The following PLCXD2 variants were observed in gnomAD, a reference collection of about 807,000 sequenced individuals.
PLCXD2 encodes phosphatidylinositol specific phospholipase C X domain containing 2, also known as PI-PLC X domain-containing protein 2.
A neutral mutation model predicts 28.6 loss-of-function variants in PLCXD2; 21 were observed. The ratio of observed to expected loss-of-function variants is 0.73; its 90% confidence interval spans 0.52 to 1.06. The LOEUF (loss-of-function observed/expected upper bound fraction) is 1.06. Ranked by LOEUF, PLCXD2 falls within the 50% of genes least tolerant of loss-of-function variation. PLCXD2 has a pLI of 0.00. For missense variants in PLCXD2, 369 were observed against 376.7 expected (o/e 0.98, Z 0.17); for synonymous variants, 140 against 150.1 (o/e 0.93, Z 0.49).
intron 1 of PLCXD2, among the ~76,000 whole-genome samples, 199 bp from the exon 2 acceptor site, chr3:111,707,727 G>A (rs1350352482): frequency 6.6e-6 from 1 of 152,078 alleles, no homozygotes; most frequent in Non-Finnish European, 1.5e-5. Context: ...TATTACCCCA[G>A]GCTTAACAAG....
chr3:111,707,002 C>T (rs1485939797), intron 1 of PLCXD2, among the ~76,000 whole-genome samples: 2 of 152,150 alleles, frequency 1.3e-5, no homozygotes, highest in Admixed American at 6.5e-5. Flanking sequence ...ACTTCTTCAG[C>T]ATTGGACAGA....
intron 3 of PLCXD2, chr3:111,725,916 C>T: frequency 2.5e-6 from 1 of 398,478 alleles, no homozygotes; most frequent in Non-Finnish European, 4.4e-6. Context: ...TTATTGCTAA[C>T]CACAGGATGC....
chr3:111,715,790 C>T (rs1271084580), intron 3 of PLCXD2, among the ~76,000 whole-genome samples: 1 of 152,180 alleles, frequency 6.6e-6, no homozygotes, highest in Non-Finnish European at 1.5e-5. Context: ...CTGCCCTTTT[C>T]AGCGTTGGAC....
intron 3 of PLCXD2, 133 bp downstream of exon 3, chr3:111,714,261 T>A: frequency 8.1e-7 from 1 of 1,233,350 alleles, no homozygotes; most frequent in Non-Finnish European, 1.1e-6. Context: ...AAAAACTTTG[T>A]ATTCGAGAAA....
At chr3:111,720,343 C>T (rs1209095223) in intron 3 of PLCXD2, among the ~76,000 whole-genome samples, 7 of 152,100 alleles carry the variant, frequency 4.6e-5, no homozygotes, top group African/African-American at 1.7e-4. Context: ...CCATGTTTCC[C>T]AGGCTGATCT....
At chr3:111,697,684 T>C (rs1940982154) in intron 1 of PLCXD2, among the ~76,000 whole-genome samples, 1 of 152,172 alleles carries the variant, frequency 6.6e-6, no homozygotes, top group South Asian at 2.1e-4. Context: ...AGGCTTCTAC[T>C]CTCAAAAAAT....
intron 1 of PLCXD2, among the ~76,000 whole-genome samples, chr3:111,688,971 G>C (rs1940836225): frequency 6.6e-6 from 1 of 151,914 alleles, no homozygotes; most frequent in African/African-American, 2.4e-5. Flanking sequence ...TAGCTACTGT[G>C]GGACATTTTT....
intron 1 of PLCXD2, among the ~76,000 whole-genome samples, chr3:111,683,302 G>A (rs1044723421): frequency 7.2e-5 from 11 of 152,078 alleles, no homozygotes; most frequent in African/African-American, 2.7e-4. Context: ...CAAGCAGTCT[G>A]GTGTGGTTAG....
intron 1 of PLCXD2, among the ~76,000 whole-genome samples, chr3:111,686,283 A>G (rs1295603075): frequency 6.6e-6 from 1 of 152,202 alleles, no homozygotes; most frequent in African/African-American, 2.4e-5. Flanking sequence ...CTCCTCAGAC[A>G]GTGAGATGCA....
At chr3:111,708,451 T>C (rs1941153036) in intron 2 of PLCXD2, 65 bp downstream of exon 2, 2 of 1,438,466 alleles carry the variant, frequency 1.4e-6, no homozygotes, top group Non-Finnish European at 1.9e-6. Context: ...TTTCCTGTAT[T>C]GCCGTCTGTA....
rs190117928 is a variant in PLCXD2, at chr3:111,692,681, C to G, written c.164-15245C>G. 1.5e-4 allele frequency among the ~76,000 whole-genome samples: 23 copies of G among 152,294 alleles called. No homozygotes were observed. The East Asian group carries it at 4.2e-3, about 28-fold the overall frequency. ...TAACCAAATTAAAATCAATTAACAACAGAGGTGAAAAACAATAGCTGGATG... is the reference window on the plus strand; with the variant it reads ...TAACCAAATTAAAATCAATTAACAAGAGAGGTGAAAAACAATAGCTGGATG... On this transcript the variant is annotated intron_variant, in intron 1 of 4. Transcript: ENST00000477665.
At chr3:111,715,085 T>A (rs1232059053) in intron 3 of PLCXD2, among the ~76,000 whole-genome samples, 2 of 152,162 alleles carry the variant, frequency 1.3e-5, no homozygotes, top group African/African-American at 4.8e-5. Context: ...TAGCAGGAGT[T>A]TAGACAGCAG....
chr3:111,692,097 A>C (rs2107847591), intron 1 of PLCXD2, among the ~76,000 whole-genome samples: 1 of 152,298 alleles, frequency 6.6e-6, no homozygotes, highest in African/African-American at 2.4e-5. Context: ...GCTGGAGTGC[A>C]GTGGCGCGAT....
At chr3:111,675,558 T>G in intron 1 of PLCXD2, 150 bp downstream of exon 1, 1 of 840,914 alleles carries the variant, frequency 1.2e-6, no homozygotes, top group Non-Finnish European at 2.0e-6. Context: ...CTGAAGCAGC[T>G]GCTTTAAAGA....
chr3:111,690,778 A>T (rs927731416), intron 1 of PLCXD2, among the ~76,000 whole-genome samples: 6 of 152,230 alleles, frequency 3.9e-5, no homozygotes, highest in African/African-American at 1.4e-4. Context: ...GAGGGGAACT[A>T]GCTAAGAAGC....
At chr3:111,689,978 C>T (rs554139692) in intron 1 of PLCXD2, among the ~76,000 whole-genome samples, 80 of 151,904 alleles carry the variant, frequency 5.3e-4, no homozygotes, top group Non-Finnish European at 1.0e-3. Context: ...CCTAGGGGAC[C>T]GATATTGCTG....
Position 111,720,571 on chromosome 3 carries a change from T to C in PLCXD2, c.866+6443T>C, listed in dbSNP as rs1404961212. 2.6e-5 allele frequency among the ~76,000 whole-genome samples: 4 copies of C among 152,238 alleles called. No individual in the cohort carries two copies. The South Asian group carries it at 8.3e-4, about 32-fold the overall frequency. On this transcript the variant is annotated intron_variant, in intron 3 of 4. Transcript: ENST00000477665. ...GAGACTACTTCATCCCTGAAGGAGA[T>C]ATAAAGCTTAAATGGAAATACCTCT...
chr3:111,717,372 G>A lies in PLCXD2; in HGVS notation c.866+3244G>A, dbSNP rs555482479. The stretch of plus-strand genomic sequence containing the variant: ...TTAACCTCCTGCTCTGCCATCCATG[G>A]GAACTGTTGCCTCACGGGCCTGTCA... On this transcript the variant is annotated intron_variant, in intron 3 of 4. Coordinates refer to ENST00000477665, the MANE Select transcript of PLCXD2 (RefSeq NM_001185106.1). Among the ~76,000 whole-genome samples the A allele has an allele frequency of 5.3e-5, 8 of 152,238 alleles. No individual in the cohort carries two copies. In the South Asian group the frequency reaches 1.7e-3, roughly 32 times the overall value.
At chr3:111,683,397 A>G (rs754881118) in intron 1 of PLCXD2, among the ~76,000 whole-genome samples, 1 of 152,226 alleles carries the variant, frequency 6.6e-6, no homozygotes, top group Non-Finnish European at 1.5e-5. Context: ...TTATATGCCC[A>G]TGCCAAGATT....
Sources: gnomAD v4.1 joint callset for allele counts (sites outside exome capture counted in the v4.1 genomes callset) on GRCh38, gnomAD v4.1.1 for gene constraint, MANE v1.5 for transcripts, NCBI Gene and HGNC (gene_info 2026-07-23, HGNC 2026-07-21) for gene names.